CCDC90B: variants seen among roughly 807,000 people sequenced by gnomAD.
CCDC90B encodes coiled-coil domain containing 90B.
Under a neutral mutation model 37.0 loss-of-function variants are expected in CCDC90B, and 24 were observed. That is an observed-to-expected ratio of 0.65 (90% confidence interval 0.47 to 0.91). CCDC90B has a LOEUF of 0.91. Ranked by LOEUF, CCDC90B falls within the 40% of genes least tolerant of loss-of-function variation. CCDC90B has a pLI of 0.00. For synonymous variants in CCDC90B, 113 were observed against 101.1 expected, an observed-to-expected ratio of 1.12 and a Z score of -0.71; for missense variants, 319 against 299.0, an observed-to-expected ratio of 1.07 and a Z score of -0.49.
chr11:83,280,096 A>T (rs771856156), intron 2 of CCDC90B, 45 bp downstream of exon 2: 18 of 1,592,904 alleles, frequency 1.1e-5, no homozygotes, highest in Middle Eastern at 4.5e-4. Flanking sequence ...AGGCATTATG[A>T]GTGCTATTAA....
rs1565223451 is a variant in CCDC90B, at chr11:83,285,860, C to T, written c.100+13G>A. The T allele has an allele frequency of 6.2e-7, 1 of 1,607,608 alleles. No individual in the cohort carries two copies. The highest frequency in any genetic ancestry group is 1.7e-5 in the Admixed American group (1 of 59,706). On this transcript the variant is annotated intron_variant, in intron 1 of 8. Coordinates refer to ENST00000529689, the MANE Select transcript of CCDC90B (RefSeq NM_021825.5). Reference sequence around the variant, plus strand: ...GAGCACTCAGGCATCTATGACACGACGCCTTGCCTCACCTCTCCGCAGGGC... The same window carrying T: ...GAGCACTCAGGCATCTATGACACGATGCCTTGCCTCACCTCTCCGCAGGGC...
chr11:83,284,018 G>A (rs947842237), intron 1 of CCDC90B, among the ~76,000 whole-genome samples: 1 of 152,154 alleles, frequency 6.6e-6, no homozygotes, highest in East Asian at 1.9e-4. Context: ...TAGGGGAGAT[G>A]AAGTGCCCAG....
intron 8 of CCDC90B, among the ~76,000 whole-genome samples, chr11:83,264,634 C>T (rs578013813): frequency 2.6e-5 from 4 of 152,172 alleles, no homozygotes; most frequent in Admixed American, 2.6e-4. Flanking sequence ...ACATTTTTTC[C>T]TTCATTTCAA....
chr11:83,285,186 T>A (rs1044706278), intron 1 of CCDC90B: 1 of 1,284,952 alleles, frequency 7.8e-7, no homozygotes, highest in African/African-American at 1.5e-5. Context: ...GCCTATTTTG[T>A]GGACAACCTT....
At chr11:83,264,056 G>A (rs1864093650) in intron 8 of CCDC90B, among the ~76,000 whole-genome samples, 3 of 152,132 alleles carry the variant, frequency 2.0e-5, no homozygotes, top group Non-Finnish European at 4.4e-5. Flanking sequence ...TACATAGCAA[G>A]TTGTTATATA....
chr11:83,265,166 G>C (rs1048837711), intron 8 of CCDC90B, among the ~76,000 whole-genome samples: 30 of 152,244 alleles, frequency 2.0e-4, no homozygotes, highest in Non-Finnish European at 3.7e-4. Flanking sequence ...AGTAATAGTT[G>C]ACTAGGGCAT....
intron 1 of CCDC90B, among the ~76,000 whole-genome samples, chr11:83,282,029 C>T (rs1014510936): frequency 8.5e-5 from 13 of 152,180 alleles, no homozygotes; most frequent in East Asian, 3.9e-4. Context: ...TCAAGCTTGT[C>T]GAGAACACTT....
intron 2 of CCDC90B, among the ~76,000 whole-genome samples, chr11:83,279,616 G>T (rs1248338123): frequency 6.6e-6 from 1 of 152,112 alleles, no homozygotes; most frequent in African/African-American, 2.4e-5. Flanking sequence ...TCAATAAGGG[G>T]ATCTAATATA....
Position 83,260,465 on chromosome 11 carries a change from G to A in CCDC90B, c.*1446C>T, listed in dbSNP as rs1324956512. On this transcript the variant is annotated 3_prime_UTR_variant, in exon 9 of 9. Transcript: ENST00000529689. The stretch of plus-strand genomic sequence containing the variant: ...AATAGAGATAAAAATGAATCAGAAT[G>A]TAACAGGATAATGTCAAGGTTTTTC... 1 of 152,172 alleles carries A rather than the reference G, an allele frequency of 6.6e-6. No individual in the cohort carries two copies. The highest frequency in any genetic ancestry group is 6.5e-5 in the Admixed American group (1 of 15,272). The allele number at this position is 152,172 out of a possible 1,614,324, so 9.4% of individuals were successfully genotyped here.
chr11:83,273,945 A>C lies in CCDC90B; in HGVS notation c.468+6T>G, dbSNP rs746653817. The C allele has an allele frequency of 5.0e-6, 8 of 1,592,346 alleles. No homozygotes were observed. The African/African-American group carries it at 1.1e-4, about 22-fold the overall frequency. On this transcript the variant is annotated splice_donor_region_variant and intron_variant, in intron 5 of 8. Coordinates refer to ENST00000529689, the MANE Select transcript of CCDC90B (RefSeq NM_021825.5). ...AAATTAACAGCTAGAAAAAAAATTC[A>C]CTTACCATTAGTTGTTGCTTAACTT...
At chr11:83,264,786 TG>T (rs1864148489) in intron 8 of CCDC90B, among the ~76,000 whole-genome samples, 1 of 151,870 alleles carries the variant, frequency 6.6e-6, no homozygotes, top group Non-Finnish European at 1.5e-5. Flanking sequence ...CCATAAAAAA[TG>T]ATGAGTTCAT....
At chr11:83,263,441 T>C (rs566972589) in intron 8 of CCDC90B, among the ~76,000 whole-genome samples, 1 of 152,342 alleles carries the variant, frequency 6.6e-6, no homozygotes, top group African/African-American at 2.4e-5. Flanking sequence ...TTATCCTCTA[T>C]ACCCTGTCTA....
At chr11:83,285,739 C>G (rs548754185) in intron 1 of CCDC90B, 134 bp downstream of exon 1, 31 of 1,449,000 alleles carry the variant, frequency 2.1e-5, no homozygotes, top group South Asian at 1.9e-4. Flanking sequence ...GCAGCGGCGT[C>G]GCCCAGCACA....
At position 83,261,939 on chromosome 11, in the gene CCDC90B, G is replaced by T. The variant is rs879727969; in HGVS notation, c.737C>A (p.Ala246Glu). The change falls in exon 9 of 9, where the codon GCA (alanine) becomes GAA (glutamate). Residue 246 changes from alanine to glutamate, a missense_variant. Ala to Glu is a moderately radical substitution (Grantham distance 107, BLOSUM62 -1). Transcript: ENST00000529689. ...CTTCCAGAATCTATAAAATCCCAAT[G>T]CTATTGCCAGGCAAGTAAACACCGA... The part of the protein sequence containing the change: ...AASVFTCLAI[A>E]LGFYRFWK 11 of 1,602,048 alleles carry T rather than the reference G, an allele frequency of 6.9e-6. No homozygotes were observed. The highest frequency in any genetic ancestry group is 1.4e-5 in the African/African-American group (1 of 74,032).
intron 1 of CCDC90B, chr11:83,285,288 AAT>A: frequency 7.9e-7 from 1 of 1,262,898 alleles, no homozygotes; most frequent in Non-Finnish European, 1.0e-6. Context: ...CATTTCTCTG[AAT>A]AAAGTTAGAT....
At chr11:83,285,779 CCTT>C (rs1414407082) in intron 1 of CCDC90B, 91 bp downstream of exon 1, 17 of 1,495,944 alleles carry the variant, frequency 1.1e-5, no homozygotes, top group Non-Finnish European at 1.5e-5. Context: ...GGGCGTGGCA[CCTT>C]CTCTTCCCGT....
chr11:83,270,865 T>C (rs1425346487), intron 7 of CCDC90B, among the ~76,000 whole-genome samples: 2 of 152,188 alleles, frequency 1.3e-5, no homozygotes, highest in African/African-American at 4.8e-5. Context: ...GCTACCTGAC[T>C]TCAAACCATA....
intron 7 of CCDC90B, chr11:83,266,999 A>G (rs964234931): frequency 6.6e-6 from 1 of 152,270 alleles, no homozygotes; most frequent in Non-Finnish European, 1.5e-5. Flanking sequence ...GCAAACTCCA[A>G]CAGACCTGCA....
Position 83,286,054 on chromosome 11 carries a change from CA to C in CCDC90B, c.-83del. 3.2e-6 allele frequency: 5 copies of C among 1,545,552 alleles called. No individual in the cohort carries two copies. The highest frequency in any genetic ancestry group is 4.4e-6 in the Non-Finnish European group (5 of 1,147,968). ...CTTTCGGGCAAGGTAGTTCTGGCACCACAGGAATGCTGGGAATTGTAGTTTT... is the reference window on the plus strand; with the variant it reads ...CTTTCGGGCAAGGTAGTTCTGGCACCCAGGAATGCTGGGAATTGTAGTTTT... On this transcript the variant is annotated 5_prime_UTR_variant, in exon 1 of 9. The change creates a premature stop within an existing upstream ORF in the 5' untranslated region. Coordinates refer to ENST00000529689, the MANE Select transcript of CCDC90B (RefSeq NM_021825.5).
Sources: allele counts gnomAD v4.1 joint callset (sites outside exome capture counted in the v4.1 genomes callset), GRCh38; gene constraint gnomAD v4.1.1; transcripts MANE v1.5; gene names NCBI Gene and HGNC (gene_info 2026-07-23, HGNC 2026-07-21).